The following PDE3A variants were observed in gnomAD, a reference collection of about 807,000 sequenced individuals.
PDE3A encodes the protein phosphodiesterase 3A.
Under a neutral mutation model 98.3 loss-of-function variants are expected in PDE3A, and 43 were observed. That is an observed-to-expected ratio of 0.44 (90% CI 0.34 to 0.56). The LOEUF is 0.56. Among genes scored for constraint, PDE3A ranks in the 20% least tolerant of loss-of-function variants. PDE3A has a pLI of 0.01. For synonymous variants in PDE3A, 663 were observed against 567.9 expected (o/e 1.17, Z -2.38); for missense variants, 1,427 against 1,440.7 (o/e 0.99, Z 0.15).
chr12:20,664,143 T>A (rs905643405), intron 15 of PDE3A, among the ~76,000 whole-genome samples: 11 of 152,148 alleles, frequency 7.2e-5, no homozygotes, highest in African/African-American at 2.4e-4. Flanking sequence ...CCACCATGAT[T>A]ATGTTTCCTG....
chr12:20,462,719 T>A (rs963166548), intron 1 of PDE3A, among the ~76,000 whole-genome samples: 3 of 152,182 alleles, frequency 2.0e-5, no homozygotes, highest in Non-Finnish European at 4.4e-5. Context: ...TACTTCAAGC[T>A]TTCATGCAAT....
chr12:20,634,875 T>C (rs750933411), intron 7 of PDE3A, 27 bp from the exon 8 acceptor site: 1 of 1,575,908 alleles, frequency 6.3e-7, no homozygotes. Flanking sequence ...GTAGATCTTG[T>C]AATAAGTTGT....
intron 1 of PDE3A, among the ~76,000 whole-genome samples, chr12:20,428,787 G>C (rs1160458784): frequency 6.6e-6 from 1 of 152,008 alleles, no homozygotes; most frequent in African/African-American, 2.4e-5. Flanking sequence ...AAAGAAGTAG[G>C]TCAAAAAAGG....
chr12:20,413,611 G>A (rs978542339), intron 1 of PDE3A, among the ~76,000 whole-genome samples: 2 of 152,202 alleles, frequency 1.3e-5, no homozygotes, highest in Non-Finnish European at 2.9e-5. Context: ...CTGGGAAATT[G>A]TGGGAGCTGA....
intron 2 of PDE3A, among the ~76,000 whole-genome samples, chr12:20,567,479 C>G (rs1044178093): frequency 6.6e-6 from 1 of 152,040 alleles, no homozygotes; most frequent in African/African-American, 2.4e-5. Flanking sequence ...CATATTATTA[C>G]TTTGACTGTA....
At chr12:20,411,835 C>G (rs879931681) in intron 1 of PDE3A, among the ~76,000 whole-genome samples, 1 of 152,088 alleles carries the variant, frequency 6.6e-6, no homozygotes, top group Admixed American at 6.6e-5. Context: ...ATGTAATTTC[C>G]GAGACCTTTA....
intron 2 of PDE3A, among the ~76,000 whole-genome samples, chr12:20,609,098 C>G (rs975004349): frequency 6.6e-6 from 1 of 151,802 alleles, no homozygotes; most frequent in South Asian, 2.1e-4. Context: ...GGCATTTTTA[C>G]AAACATTAAA....
At chr12:20,430,986 A>G (rs1316325961) in intron 1 of PDE3A, among the ~76,000 whole-genome samples, 3 of 152,284 alleles carry the variant, frequency 2.0e-5, no homozygotes, top group East Asian at 1.9e-4. Context: ...GTTAGCCACA[A>G]TAGTTAAATA....
intron 1 of PDE3A, among the ~76,000 whole-genome samples, chr12:20,500,770 T>TC (rs1946009222): frequency 1.2e-5 from 1 of 80,762 alleles, no homozygotes; most frequent in African/African-American, 3.3e-5. Context: ...CTTTCTTTCT[T>TC]TTTTTTTTTT....
At chr12:20,635,206 G>A in intron 8 of PDE3A, 150 bp downstream of exon 8, 2 of 647,290 alleles carry the variant, frequency 3.1e-6, no homozygotes, top group South Asian at 2.0e-5. Flanking sequence ...AGATCACGAG[G>A]TCAGGAGTTC....
At chr12:20,502,812 A>C (rs1156552270) in intron 1 of PDE3A, among the ~76,000 whole-genome samples, 2 of 152,160 alleles carry the variant, frequency 1.3e-5, no homozygotes, top group Non-Finnish European at 2.9e-5. Context: ...GCTTAGGGAC[A>C]CTTCGGGACA....
intron 1 of PDE3A, among the ~76,000 whole-genome samples, chr12:20,463,073 A>G (rs1945281220): frequency 6.6e-6 from 1 of 152,274 alleles, no homozygotes; most frequent in Non-Finnish European, 1.5e-5. Context: ...GCACCTGGCA[A>G]ATCTATACTC....
At chr12:20,496,568 TG>T (rs1191176573) in intron 1 of PDE3A, among the ~76,000 whole-genome samples, 1 of 147,310 alleles carries the variant, frequency 6.8e-6, no homozygotes, top group Non-Finnish European at 1.5e-5. Context: ...TGCTACCTCA[TG>T]GGCCAAATTC....
intron 1 of PDE3A, among the ~76,000 whole-genome samples, chr12:20,521,310 C>T (rs954465957): frequency 5.9e-5 from 9 of 151,940 alleles, no homozygotes; most frequent in East Asian, 5.8e-4. Context: ...ATTTGTGGTA[C>T]GAAAGAGGAG....
rs957894441 is a variant in PDE3A at position 20,552,799 on chromosome 12, T to A, written c.961-3861T>A. 6.2e-5 allele frequency: 100 copies of A among 1,613,912 alleles called. No homozygotes were observed. Among genetic ancestry groups the A allele is most frequent in the Admixed American group, 2.3e-4 (14 of 60,010 alleles). On this transcript the variant is annotated intron_variant, in intron 1 of 15. Coordinates refer to ENST00000359062, the MANE Select transcript of PDE3A (RefSeq NM_000921.5). This position sits in a 1 kb window ranked among gnomAD's most constrained non-coding sequence, Gnocchi z 5.1. The stretch of plus-strand genomic sequence containing the variant: ...GAGTAAAGTGGAGGAGACGTTCCAG[T>A]GTATCTGCTGTCAGGAGCTGGTGTT...
At chr12:20,508,384 T>G (rs1342064399) in intron 1 of PDE3A, among the ~76,000 whole-genome samples, 6 of 151,878 alleles carry the variant, frequency 4.0e-5, no homozygotes, top group African/African-American at 1.4e-4. Context: ...TTTTTTCACT[T>G]GAATTTGAGC....
chr12:20,665,345 T>A (rs1202208580), intron 15 of PDE3A, among the ~76,000 whole-genome samples: 1 of 152,210 alleles, frequency 6.6e-6, no homozygotes, highest in Non-Finnish European at 1.5e-5. Flanking sequence ...GAAATATATT[T>A]TTTTCTGTTT....
chr12:20,643,289 A>G lies in PDE3A; in HGVS notation c.2252-3201A>G, dbSNP rs1221219323. ...TCCTTCTCAGTTGCCTACCCTGGCCAGAAGAAGAAGAGGAATCTTTGAGCA... is the reference window on the plus strand; with the variant it reads ...TCCTTCTCAGTTGCCTACCCTGGCCGGAAGAAGAAGAGGAATCTTTGAGCA... On this transcript the variant is annotated intron_variant, in intron 10 of 15. Transcript: ENST00000359062. Among the ~76,000 whole-genome samples, 5 of 152,308 alleles carry G rather than the reference A, an allele frequency of 3.3e-5. No individual in the cohort carries two copies. The South Asian group carries it at 6.2e-4, about 19-fold the overall frequency.
At chr12:20,514,319 G>A (rs1946277682) in intron 1 of PDE3A, among the ~76,000 whole-genome samples, 1 of 133,126 alleles carries the variant, frequency 7.5e-6, no homozygotes, top group African/African-American at 2.7e-5. Flanking sequence ...TATTTTGAAA[G>A]GAAAAATGTC....
Sources: allele counts gnomAD v4.1 joint callset (sites outside exome capture counted in the v4.1 genomes callset), GRCh38; gene constraint gnomAD v4.1.1; non-coding constraint Gnocchi (gnomAD v3.1); transcripts MANE v1.5; gene names NCBI Gene and HGNC (gene_info 2026-07-23, HGNC 2026-07-21).